BTRC: variants seen among roughly 807,000 people sequenced by gnomAD.
BTRC encodes the protein beta-transducin repeat containing E3 ubiquitin protein ligase, also known as F-box/WD repeat-containing protein 1A.
Under a neutral mutation model 85.5 loss-of-function variants are expected in BTRC, and 42 were observed. The observed-to-expected ratio is 0.49, with a 90% CI of 0.38 to 0.64. The LOEUF is 0.64. Among genes scored for constraint, BTRC ranks in the 30% least tolerant of loss-of-function variants. The pLI, the probability that BTRC is intolerant of heterozygous loss-of-function variation, is 0.00. For synonymous variants in BTRC, 255 were observed against 263.3 expected (o/e 0.97, Z 0.30); for missense variants, 594 against 743.5 (o/e 0.80, Z 2.34).
At chr10:101,408,200 T>C (rs1489903107) in intron 1 of BTRC, among the ~76,000 whole-genome samples, 1 of 152,136 alleles carries the variant, frequency 6.6e-6, no homozygotes, top group Non-Finnish European at 1.5e-5. Context: ...TTGGAGAGTA[T>C]GTTTAGACCA....
At chr10:101,495,697 C>T (rs1441911312) in intron 4 of BTRC, among the ~76,000 whole-genome samples, 1 of 152,172 alleles carries the variant, frequency 6.6e-6, no homozygotes, top group Non-Finnish European at 1.5e-5. Flanking sequence ...CTAGGACAGT[C>T]TATCTATAGC....
intron 1 of BTRC, among the ~76,000 whole-genome samples, chr10:101,414,159 C>T (rs561958229): frequency 6.6e-6 from 1 of 152,176 alleles, no homozygotes; most frequent in African/African-American, 2.4e-5. Flanking sequence ...TGGCAACCAC[C>T]ATCCTACTTT....
chr10:101,437,874 C>T (rs2134101108), intron 2 of BTRC, among the ~76,000 whole-genome samples: 1 of 152,208 alleles, frequency 6.6e-6, no homozygotes, highest in Non-Finnish European at 1.5e-5. Context: ...ACCTATTGTC[C>T]CTTACCCACT....
chr10:101,441,270 T>C (rs1440136773), intron 2 of BTRC, among the ~76,000 whole-genome samples: 1 of 152,232 alleles, frequency 6.6e-6, no homozygotes, highest in Non-Finnish European at 1.5e-5. Context: ...TCTTCTTATG[T>C]ATTATGCATC....
intron 2 of BTRC, among the ~76,000 whole-genome samples, chr10:101,452,377 T>A (rs1372071516): frequency 6.6e-6 from 1 of 152,240 alleles, no homozygotes; most frequent in Non-Finnish European, 1.5e-5. Context: ...GTTATGCAGC[T>A]ATAACCAACC....
chr10:101,370,951 T>G (rs1942618383), intron 1 of BTRC, among the ~76,000 whole-genome samples: 1 of 152,184 alleles, frequency 6.6e-6, no homozygotes, highest in Non-Finnish European at 1.5e-5. Context: ...CACACACATA[T>G]AAGCTTCATT....
chr10:101,504,255 TAA>T (rs1243833983), intron 4 of BTRC, among the ~76,000 whole-genome samples: 1 of 152,204 alleles, frequency 6.6e-6, no homozygotes, highest in Non-Finnish European at 1.5e-5. Context: ...GTAGTGGTTT[TAA>T]AAAATAGTTT....
rs143064603 is a variant in BTRC, at chr10:101,507,145, C to A, written c.325-14494C>A. ...CTCTTACTTCCCCAAGTCTGTATCACTGGGGCTTTTTTCCCATTTTTTCCC... is the reference window on the plus strand; with the variant it reads ...CTCTTACTTCCCCAAGTCTGTATCAATGGGGCTTTTTTCCCATTTTTTCCC... On this transcript the variant is annotated intron_variant, in intron 4 of 14. Transcript: ENST00000370187. 2.1e-3 allele frequency among the ~76,000 whole-genome samples: 323 copies of A among 152,290 alleles called. 1 individual carries two copies. Among genetic ancestry groups the A allele is most frequent in the African/African-American group, 7.6e-3 (314 of 41,562 alleles).
chr10:101,435,712 A>G (rs1413356625), intron 2 of BTRC, among the ~76,000 whole-genome samples: 2 of 152,116 alleles, frequency 1.3e-5, no homozygotes, highest in Non-Finnish European at 2.9e-5. Flanking sequence ...GTACATGTCT[A>G]AGAATGGAAT....
intron 1 of BTRC, among the ~76,000 whole-genome samples, chr10:101,422,081 C>A (rs2134056249): frequency 6.6e-6 from 1 of 152,310 alleles, no homozygotes; most frequent in Non-Finnish European, 1.5e-5. Context: ...AGTTTACAGT[C>A]CCACCAACAG....
intron 5 of BTRC, among the ~76,000 whole-genome samples, chr10:101,522,145 A>G (rs1382077078): frequency 7.1e-6 from 1 of 140,890 alleles, no homozygotes; most frequent in African/African-American, 2.6e-5. Context: ...GCTTAACGCC[A>G]TTCTCCTGCC....
At chr10:101,407,956 T>A (rs897899036) in intron 1 of BTRC, among the ~76,000 whole-genome samples, 6 of 149,988 alleles carry the variant, frequency 4.0e-5, no homozygotes, top group African/African-American at 1.5e-4. Context: ...TCTCTTGACC[T>A]CATGATCTGC....
chr10:101,420,995 A>G (rs1944085933), intron 1 of BTRC, among the ~76,000 whole-genome samples: 1 of 149,532 alleles, frequency 6.7e-6, no homozygotes, highest in South Asian at 2.2e-4. Context: ...TATTTTTCTT[A>G]CATACTAGAT....
intron 1 of BTRC, among the ~76,000 whole-genome samples, chr10:101,397,524 A>G (rs1464452068): frequency 6.6e-6 from 1 of 152,230 alleles, no homozygotes; most frequent in African/African-American, 2.4e-5. Flanking sequence ...ACTCAATTTT[A>G]TTGCCTCAGA....
intron 3 of BTRC, among the ~76,000 whole-genome samples, chr10:101,475,886 G>A (rs1332259951): frequency 1.6e-5 from 2 of 128,148 alleles, no homozygotes; most frequent in African/African-American, 5.7e-5. Context: ...GATGCAAGTA[G>A]AAACAGAATA....
At position 101,479,329 on chromosome 10, in the gene BTRC, A is replaced by G. The variant is rs371635822; in HGVS notation, c.235-39A>G. The G allele has an allele frequency of 1.2e-5, 18 of 1,500,348 alleles. No homozygotes were observed. The African/African-American group carries it at 1.8e-4, about 15-fold the overall frequency. The allele number at this position is 1,500,348 out of a possible 1,614,324, so 92.9% of individuals were successfully genotyped here. ...GAAAACAGGATATGGCAGTATTTCA[A>G]TATTTTAAAAACCTGTTTCCAACAA... is the stretch of plus-strand genomic sequence containing the variant. On this transcript the variant is annotated intron_variant, in intron 3 of 14. Transcript: ENST00000370187.
intron 5 of BTRC, among the ~76,000 whole-genome samples, chr10:101,522,371 A>C (rs1448645605): frequency 4.3e-5 from 3 of 69,958 alleles, no homozygotes; most frequent in Admixed American, 1.6e-4. Flanking sequence ...AAAAAACAAA[A>C]AAAAACAAAA....
At chr10:101,400,609 C>T (rs189426683) in intron 1 of BTRC, among the ~76,000 whole-genome samples, 122 of 152,340 alleles carry the variant, frequency 8.0e-4, no homozygotes, top group Admixed American at 3.9e-3. Flanking sequence ...GGATTTTACT[C>T]TGGCTTATTT....
intron 3 of BTRC, among the ~76,000 whole-genome samples, chr10:101,470,635 T>C (rs1945499949): frequency 6.6e-6 from 1 of 152,204 alleles, no homozygotes. Flanking sequence ...TAGCCGGTTT[T>C]TTCTTTTAGA....
Sources: gnomAD v4.1 joint callset for allele counts (sites outside exome capture counted in the v4.1 genomes callset) on GRCh38, gnomAD v4.1.1 for gene constraint, MANE v1.5 for transcripts, NCBI Gene and HGNC (gene_info 2026-07-23, HGNC 2026-07-21) for gene names.